GRB14: variants seen among roughly 807,000 people sequenced by gnomAD.
The protein encoded by GRB14 is growth factor receptor bound protein 14, also known as growth factor receptor-bound protein 14.
GRB14 carries 38 observed loss-of-function variants against 69.1 expected under a neutral mutation model. The ratio of observed to expected loss-of-function variants is 0.55; its 90% CI spans 0.42 to 0.72. The LOEUF (loss-of-function observed/expected upper bound fraction) is 0.72, where lower values mean the gene tolerates loss of function less well. GRB14 is among the 30% of genes least tolerant of loss of function. GRB14 has a pLI of 0.00. For missense variants in GRB14, 666 were observed against 666.1 expected, an observed-to-expected ratio of 1.00 and a Z score of 0.00; for synonymous variants, 247 against 241.3, an observed-to-expected ratio of 1.02 and a Z score of -0.22.
intron 2 of GRB14, among the ~76,000 whole-genome samples, chr2:164,612,276 T>C (rs934959886): frequency 6.6e-6 from 1 of 152,222 alleles, no homozygotes; most frequent in Non-Finnish European, 1.5e-5. Context: ...TGTGAATAAA[T>C]GGCCAATTTA....
At chr2:164,504,136 G>GA in intron 8 of GRB14, among the ~76,000 whole-genome samples, 1 of 151,664 alleles carries the variant, frequency 6.6e-6, no homozygotes, top group South Asian at 2.1e-4. Context: ...TATCCAAAGA[G>GA]AAAAAGAGAG....
chr2:164,581,227 C>T (rs1689396305), intron 2 of GRB14, among the ~76,000 whole-genome samples: 1 of 152,126 alleles, frequency 6.6e-6, no homozygotes, highest in African/African-American at 2.4e-5. Context: ...AATAATTCCC[C>T]CGCCTTCACC....
chr2:164,531,515 G>C (rs549901764), intron 3 of GRB14, among the ~76,000 whole-genome samples: 1 of 152,286 alleles, frequency 6.6e-6, no homozygotes, highest in East Asian at 1.9e-4. Flanking sequence ...AAATAGCAAA[G>C]AGGCATTTTG....
intron 2 of GRB14, among the ~76,000 whole-genome samples, chr2:164,551,442 A>G (rs957744915): frequency 6.6e-6 from 1 of 152,186 alleles, no homozygotes; most frequent in Admixed American, 6.5e-5. Flanking sequence ...CAAAATTCAC[A>G]TGTTGAATCC....
intron 3 of GRB14, among the ~76,000 whole-genome samples, chr2:164,545,561 C>G (rs867553704): frequency 1.6e-4 from 25 of 152,092 alleles, no homozygotes; most frequent in Non-Finnish European, 2.6e-4. Flanking sequence ...GGACACACAT[C>G]CCTGACGACA....
At chr2:164,587,418 C>T (rs1353875302) in intron 2 of GRB14, among the ~76,000 whole-genome samples, 1 of 152,136 alleles carries the variant, frequency 6.6e-6, no homozygotes, top group African/African-American at 2.4e-5. Flanking sequence ...AAGATAGTTC[C>T]TCTGCCTAAG....
Position 164,508,814 on chromosome 2 carries a change from A to G in GRB14, c.855T>C (p.Asn285=). The change falls in exon 7 of 14, where the codon AAT becomes AAC. Residue 285 remains asparagine, a synonymous_variant. Coordinates refer to ENST00000263915, the MANE Select transcript of GRB14 (RefSeq NM_004490.3). ...RHLQFFSEFG[N]SDIYVSLAGK... Reference sequence around the variant, plus strand: ...CTGCCAGTGACACATAAATATCACTATTGCCAAATTCGCTGAAAAACTGCA... The same window carrying G: ...CTGCCAGTGACACATAAATATCACTGTTGCCAAATTCGCTGAAAAACTGCA... The G allele has an allele frequency of 6.3e-7, 1 of 1,586,356 alleles. No individual in the cohort carries two copies.
chr2:164,619,699 T>C lies in GRB14; in HGVS notation c.312A>G (p.Ser104=), dbSNP rs1310455355. The C allele has an allele frequency of 3.8e-6, 6 of 1,577,530 alleles. No individual in the cohort carries two copies. The highest frequency in any genetic ancestry group is 1.4e-5 in the African/African-American group (1 of 72,474). ...TAAAAATGCATACCTGTTTTTTCCT[T>C]GAATTTGCTTTGGGAAATAGGTCTG... The part of the protein sequence containing the change: ...LSADLFPKAN[S]RKKQVIKVYS... Residue 104 remains serine, a synonymous_variant, in exon 2 of 14, where the codon TCA becomes TCG. Transcript: ENST00000263915.
intron 6 of GRB14, among the ~76,000 whole-genome samples, chr2:164,510,027 T>G (rs1194579670): frequency 2.0e-5 from 3 of 152,090 alleles, no homozygotes; most frequent in African/African-American, 7.2e-5. Context: ...GAAAATTGCT[T>G]TAAAAAGACC....
chr2:164,610,864 A>G (rs1261034586), intron 2 of GRB14, among the ~76,000 whole-genome samples: 1 of 149,140 alleles, frequency 6.7e-6, no homozygotes. Flanking sequence ...ATGTGATGGG[A>G]AAAAAAAATT....
In GRB14 at chr2:164,502,342, A is replaced by T. The variant is rs748471645; in HGVS notation, c.1024-7T>A. On this transcript the variant is annotated splice_region_variant and splice_polypyrimidine_tract_variant and intron_variant, in intron 8 of 13. Coordinates refer to ENST00000263915, the MANE Select transcript of GRB14 (RefSeq NM_004490.3). ...GGTACAGCTGCATGCCATACTGCAGAATAAATAAATAAAACACATTCCCAC... is the reference window on the plus strand; with the variant it reads ...GGTACAGCTGCATGCCATACTGCAGTATAAATAAATAAAACACATTCCCAC... 6.8e-7 allele frequency: 1 copy of T among 1,475,210 alleles called. No individual in the cohort carries two copies. Among genetic ancestry groups the T allele is most frequent in the East Asian group, 2.3e-5 (1 of 44,094 alleles). The allele number at this position is 1,475,210 out of a possible 1,614,324, so 91.4% of individuals were successfully genotyped here.
intron 2 of GRB14, among the ~76,000 whole-genome samples, chr2:164,562,583 A>G (rs1688857915): frequency 6.6e-6 from 1 of 152,242 alleles, no homozygotes; most frequent in African/African-American, 2.4e-5. Context: ...TCTCAGTCAC[A>G]GGGAAATTTA....
chr2:164,509,741 T>G (rs1687288492), intron 6 of GRB14, among the ~76,000 whole-genome samples: 1 of 150,816 alleles, frequency 6.6e-6, no homozygotes, highest in Non-Finnish European at 1.5e-5. Flanking sequence ...AGTATCTGCA[T>G]TTTAACAAGA....
At chr2:164,512,254 C>T (rs1470011970) in intron 6 of GRB14, among the ~76,000 whole-genome samples, 2 of 152,134 alleles carry the variant, frequency 1.3e-5, no homozygotes, top group African/African-American at 4.8e-5. Context: ...GCAACCTCTG[C>T]CTCCTAGGTT....
At chr2:164,532,470 T>C (rs1687966998) in intron 3 of GRB14, among the ~76,000 whole-genome samples, 1 of 152,170 alleles carries the variant, frequency 6.6e-6, no homozygotes, top group Admixed American at 6.5e-5. Flanking sequence ...TGGTAAAGCC[T>C]CTGCAGATGT....
At chr2:164,619,583 C>A in intron 2 of GRB14, 104 bp downstream of exon 2, 1 of 714,852 alleles carries the variant, frequency 1.4e-6, no homozygotes, top group South Asian at 2.0e-5. Flanking sequence ...TTAACAGAGC[C>A]CATGCTAATC....
At chr2:164,517,201 G>A (rs1238176647) in intron 6 of GRB14, among the ~76,000 whole-genome samples, 1 of 152,106 alleles carries the variant, frequency 6.6e-6, no homozygotes, top group Non-Finnish European at 1.5e-5. Context: ...CTTGTGCAGG[G>A]AAACTCCCCT....
At chr2:164,516,491 A>G (rs1574261336) in intron 6 of GRB14, among the ~76,000 whole-genome samples, 1 of 144,154 alleles carries the variant, frequency 6.9e-6, no homozygotes, top group Non-Finnish European at 1.5e-5. Flanking sequence ...AAAGAAAAAG[A>G]AAAAAAAAAA....
At chr2:164,580,657 T>C (rs576803032) in intron 2 of GRB14, among the ~76,000 whole-genome samples, 9 of 151,516 alleles carry the variant, frequency 5.9e-5, no homozygotes, top group African/African-American at 1.5e-4. Context: ...TGAGCCAAGA[T>C]TGTGCCACTG....
Sources: allele counts gnomAD v4.1 joint callset (sites outside exome capture counted in the v4.1 genomes callset), GRCh38; gene constraint gnomAD v4.1.1; transcripts MANE v1.5; gene names NCBI Gene and HGNC (gene_info 2026-07-23, HGNC 2026-07-21).